ZNF536: variants seen among roughly 807,000 people sequenced by gnomAD.
ZNF536 encodes zinc finger protein 536.
A neutral mutation model predicts 84.5 loss-of-function variants in ZNF536; 13 were observed. The ratio of observed to expected loss-of-function variants is 0.15; its 90% CI spans 0.10 to 0.24. The LOEUF is 0.24. Ranked by LOEUF, ZNF536 falls within the 10% of genes least tolerant of loss-of-function variation. The probability of loss-of-function intolerance (pLI) is 1.00; values close to 1 mark genes in which losing one functional copy is unlikely to be tolerated. For synonymous variants in ZNF536, 811 were observed against 742.5 expected (o/e 1.09, Z -1.50); for missense variants, 1,536 against 1,747.5 (o/e 0.88, Z 2.16).
At chr19:30,569,030 A>C (rs1329971165) in intron 1 of ZNF536, among the ~76,000 whole-genome samples, 2 of 152,184 alleles carry the variant, frequency 1.3e-5, no homozygotes, top group Non-Finnish European at 2.9e-5. Context: ...CTGCATAAGG[A>C]AGTTAAATGG....
chr19:30,591,387 T>C (rs2047272633), intron 1 of ZNF536, among the ~76,000 whole-genome samples: 1 of 152,166 alleles, frequency 6.6e-6, no homozygotes, highest in Non-Finnish European at 1.5e-5. Context: ...TGGGGAGGCC[T>C]CACAATCATG....
intron 2 of ZNF536, among the ~76,000 whole-genome samples, chr19:30,480,874 A>C (rs1332416108): frequency 6.6e-6 from 1 of 152,160 alleles, no homozygotes; most frequent in African/African-American, 2.4e-5. Flanking sequence ...CATCTCTACC[A>C]AAACTACAAA....
intron 2 of ZNF536, among the ~76,000 whole-genome samples, chr19:30,307,025 G>T (rs1274641098): frequency 1.3e-5 from 2 of 151,956 alleles, no homozygotes; most frequent in South Asian, 2.1e-4. Context: ...GAATTCTAAA[G>T]GCATGAATCC....
chr19:30,271,080 G>C (rs1027358474), intron 1 of ZNF536, among the ~76,000 whole-genome samples: 3 of 152,074 alleles, frequency 2.0e-5, no homozygotes, highest in African/African-American at 7.2e-5. Context: ...AAGAGGGAAA[G>C]GACAGCTTTT....
At chr19:30,544,376 G>T (rs1168364162) in intron 3 of ZNF536, among the ~76,000 whole-genome samples, 2 of 152,180 alleles carry the variant, frequency 1.3e-5, no homozygotes, top group African/African-American at 2.4e-5. Flanking sequence ...AATTCACCAG[G>T]CCTGGGCCCG....
At chr19:30,658,560 C>T (rs118179019) in intron 1 of ZNF536, among the ~76,000 whole-genome samples, 2,604 of 152,252 alleles carry the variant, frequency 0.017, 39 homozygotes, top group Middle Eastern at 0.034. Context: ...CACACACACA[C>T]GCATACACCT....
At chr19:30,325,811 G>A (rs1044813229) in intron 2 of ZNF536, among the ~76,000 whole-genome samples, 3 of 152,134 alleles carry the variant, frequency 2.0e-5, no homozygotes, top group South Asian at 4.1e-4. Context: ...CCCACTGTTG[G>A]AGCAAGCTGC....
chr19:30,617,721 T>C (rs2048354797), intron 1 of ZNF536, among the ~76,000 whole-genome samples: 1 of 152,174 alleles, frequency 6.6e-6, no homozygotes, highest in South Asian at 2.1e-4. Flanking sequence ...ACACAATTTT[T>C]TTAACCAGAG....
chr19:30,589,702 G>C (rs2047213027), intron 1 of ZNF536, among the ~76,000 whole-genome samples: 1 of 152,086 alleles, frequency 6.6e-6, no homozygotes, highest in Admixed American at 6.5e-5. Context: ...GGTAGAGCTG[G>C]GCTTAGAGTC....
chr19:30,476,200 G>T (rs1024241767), intron 2 of ZNF536, among the ~76,000 whole-genome samples: 1 of 152,062 alleles, frequency 6.6e-6, no homozygotes, highest in Non-Finnish European at 1.5e-5. Context: ...TCCCTCTGTG[G>T]CCCCAGTCAT....
chr19:30,502,453 G>A (rs140491487), intron 2 of ZNF536, among the ~76,000 whole-genome samples: 66 of 152,140 alleles, frequency 4.3e-4, no homozygotes, highest in Middle Eastern at 3.4e-3. Context: ...GTGAGTGATC[G>A]GAAAGATCGA....
chr19:30,682,404 A>G (rs2051012163), intron 1 of ZNF536, among the ~76,000 whole-genome samples: 1 of 152,184 alleles, frequency 6.6e-6, no homozygotes, highest in Non-Finnish European at 1.5e-5. Context: ...TCGCGCGTGC[A>G]CACAGCATAC....
At chr19:30,379,773 AG>A (rs2048953419) in intron 1 of ZNF536, among the ~76,000 whole-genome samples, 1 of 151,994 alleles carries the variant, frequency 6.6e-6, no homozygotes, top group African/African-American at 2.4e-5. Flanking sequence ...GGATGCTGTA[AG>A]GGGTGCTGAT....
At chr19:30,406,052 C>T (rs28599695) in intron 1 of ZNF536, among the ~76,000 whole-genome samples, 2,746 of 152,338 alleles carry the variant, frequency 0.018, 81 homozygotes, top group African/African-American at 0.06. Flanking sequence ...GGTGGGATTA[C>T]AGGCGTGAGC....
intron 1 of ZNF536, among the ~76,000 whole-genome samples, chr19:30,439,955 C>CTTTTTTTTTTTT (rs1369505835): frequency 3.8e-5 from 5 of 133,056 alleles, no homozygotes; most frequent in African/African-American, 1.5e-4. Context: ...CTTTTTCTTT[C>CTTTTTTTTTTTT]TTTCTTTTTT....
intron 3 of ZNF536, among the ~76,000 whole-genome samples, chr19:30,546,557 C>T (rs965499532): frequency 3.3e-5 from 5 of 152,208 alleles, no homozygotes; most frequent in African/African-American, 4.8e-5. Flanking sequence ...ACAAAGTCCA[C>T]GCCCCCAAAT....
At chr19:30,234,827 A>G (rs2023366007) in intron 1 of ZNF536, among the ~76,000 whole-genome samples, 1 of 152,100 alleles carries the variant, frequency 6.6e-6, no homozygotes, top group Admixed American at 6.5e-5. Flanking sequence ...GTGAAAGCCC[A>G]CCTAAAATCG....
At chr19:30,469,274 C>A (rs1056685144) in intron 2 of ZNF536, among the ~76,000 whole-genome samples, 5 of 152,012 alleles carry the variant, frequency 3.3e-5, no homozygotes, top group African/African-American at 1.2e-4. Context: ...ATTAGCCGGG[C>A]GTGGTGGTGG....
At chr19:30,651,698 A>C (rs756911863) in intron 1 of ZNF536, among the ~76,000 whole-genome samples, 1 of 152,222 alleles carries the variant, frequency 6.6e-6, no homozygotes, top group Non-Finnish European at 1.5e-5. Flanking sequence ...TCTCCTTTTG[A>C]AAATAAAGAA....
Sources: allele counts gnomAD v4.1 joint callset (sites outside exome capture counted in the v4.1 genomes callset), GRCh38; gene constraint gnomAD v4.1.1; transcripts MANE v1.5; gene names NCBI Gene and HGNC (gene_info 2026-07-23, HGNC 2026-07-21).